Variants in CDH13 observed in about 807,000 individuals in gnomAD.
The protein encoded by CDH13 is cadherin 13, also known as cadherin-13.
Under a neutral mutation model 63.8 loss-of-function variants are expected in CDH13, and 24 were observed. The ratio of observed to expected loss-of-function variants is 0.38; its 90% confidence interval spans 0.27 to 0.53. The LOEUF (loss-of-function observed/expected upper bound fraction) is 0.53. Among genes scored for constraint, CDH13 ranks in the 20% least tolerant of loss-of-function variants. CDH13 has a pLI of 0.85. For synonymous variants in CDH13, 503 were observed against 355.3 expected, an observed-to-expected ratio of 1.42 and a Z score of -4.67; for missense variants, 1,049 against 903.1, an observed-to-expected ratio of 1.16 and a Z score of -2.07.
chr16:82,903,582 T>C (rs2041542371), intron 2 of CDH13, among the ~76,000 whole-genome samples: 1 of 152,242 alleles, frequency 6.6e-6, no homozygotes, highest in African/African-American at 2.4e-5. Flanking sequence ...CTTTTTGTTT[T>C]ATTCTGGTGT....
chr16:83,579,666 T>A (rs1215478099), intron 7 of CDH13, among the ~76,000 whole-genome samples: 1 of 152,108 alleles, frequency 6.6e-6, no homozygotes, highest in Non-Finnish European at 1.5e-5. Context: ...GTATCAATCA[T>A]TTATTTCATT....
rs1598059584 is a variant in CDH13 at position 83,455,341 on chromosome 16, T to A, written c.782-31136T>A. On this transcript the variant is annotated intron_variant, in intron 6 of 13. Transcript: ENST00000567109. ...GGACATTCAACCAATGACAGCTGTT[T>A]CTGAGCATCTAAAATGCAGGGAGCC... 2.0e-5 allele frequency among the ~76,000 whole-genome samples: 3 copies of A among 152,276 alleles called. No individual in the cohort carries two copies. The East Asian group carries it at 5.8e-4, about 29-fold the overall frequency.
intron 2 of CDH13, among the ~76,000 whole-genome samples, chr16:82,891,725 C>G (rs2041087479): frequency 6.6e-6 from 1 of 152,150 alleles, no homozygotes; most frequent in African/African-American, 2.4e-5. Context: ...TGGTTCTCAC[C>G]TAAAGTACAC....
At chr16:83,297,520 C>T (rs1263111994) in intron 5 of CDH13, among the ~76,000 whole-genome samples, 1 of 152,100 alleles carries the variant, frequency 6.6e-6, no homozygotes, top group Non-Finnish European at 1.5e-5. Context: ...ATCTCTCATG[C>T]ACCAGAGCAC....
intron 7 of CDH13, among the ~76,000 whole-genome samples, chr16:83,544,645 T>C (rs757105558): frequency 2.0e-5 from 3 of 152,190 alleles, no homozygotes; most frequent in African/African-American, 4.8e-5. Context: ...AATTCAAAAT[T>C]TGAAATACAG....
chr16:83,763,372 C>A (rs2150989038), intron 11 of CDH13, among the ~76,000 whole-genome samples: 1 of 152,236 alleles, frequency 6.6e-6, no homozygotes, highest in Non-Finnish European at 1.5e-5. Flanking sequence ...CCAGCTGATT[C>A]AAAATTGAAA....
intron 5 of CDH13, among the ~76,000 whole-genome samples, chr16:83,243,022 T>C (rs1904619560): frequency 6.6e-6 from 1 of 152,200 alleles, no homozygotes; most frequent in African/African-American, 2.4e-5. Context: ...TTGAGGAAAC[T>C]GCAGGATTGA....
At chr16:83,481,180 G>T (rs2073751933) in intron 6 of CDH13, among the ~76,000 whole-genome samples, 1 of 152,192 alleles carries the variant, frequency 6.6e-6, no homozygotes, top group African/African-American at 2.4e-5. Context: ...TCCCTGGAAA[G>T]CACACTGTTG....
At chr16:83,695,777 G>A (rs550164614) in intron 10 of CDH13, among the ~76,000 whole-genome samples, 23 of 152,230 alleles carry the variant, frequency 1.5e-4, no homozygotes, top group South Asian at 8.3e-4. Context: ...TTAATACTTC[G>A]GACACAACTG....
chr16:83,051,040 C>A (rs1187432012), intron 3 of CDH13, among the ~76,000 whole-genome samples: 1 of 152,194 alleles, frequency 6.6e-6, no homozygotes, highest in African/African-American at 2.4e-5. Context: ...CAAGACAGGG[C>A]CACTTTCTTT....
At chr16:83,372,810 C>A (rs942359486) in intron 6 of CDH13, among the ~76,000 whole-genome samples, 3 of 150,540 alleles carry the variant, frequency 2.0e-5, no homozygotes, top group African/African-American at 7.3e-5. Flanking sequence ...CTCTGCATCT[C>A]TGCTTTCTGT....
At chr16:83,391,909 C>T (rs2091794571) in intron 6 of CDH13, among the ~76,000 whole-genome samples, 2 of 152,162 alleles carry the variant, frequency 1.3e-5, no homozygotes, top group Non-Finnish European at 2.9e-5. Flanking sequence ...GTTCTAGACT[C>T]AGATAAACAA....
chr16:83,460,879 C>G (rs1658331828), intron 6 of CDH13, among the ~76,000 whole-genome samples: 2 of 151,608 alleles, frequency 1.3e-5, no homozygotes, highest in African/African-American at 4.8e-5. Flanking sequence ...CGGCCCATGC[C>G]TATGGTCCTA....
chr16:82,686,869 A>C (rs1219774612), intron 1 of CDH13, among the ~76,000 whole-genome samples: 1 of 152,188 alleles, frequency 6.6e-6, no homozygotes, highest in East Asian at 1.9e-4. Flanking sequence ...ACGACTTCTT[A>C]CTCAAGCTAC....
At chr16:82,711,799 C>G (rs1047987732) in intron 1 of CDH13, among the ~76,000 whole-genome samples, 1 of 152,198 alleles carries the variant, frequency 6.6e-6, no homozygotes, top group African/African-American at 2.4e-5. Flanking sequence ...CCGGTGATGC[C>G]GATGAGTTCC....
intron 8 of CDH13, among the ~76,000 whole-genome samples, chr16:83,626,450 G>A (rs977577534): frequency 5.9e-5 from 9 of 152,172 alleles, no homozygotes; most frequent in Admixed American, 3.3e-4. Flanking sequence ...AATGAAGCAC[G>A]TGCTATGAGC....
At chr16:83,615,213 G>A (rs1358047276) in intron 8 of CDH13, among the ~76,000 whole-genome samples, 1 of 152,142 alleles carries the variant, frequency 6.6e-6, no homozygotes, top group African/African-American at 2.4e-5. Flanking sequence ...ACTTGGATAA[G>A]CGTTTACTTC....
In CDH13 at chr16:82,849,602, A is replaced by G. The variant is rs565234223; in HGVS notation, c.46-8760A>G. On this transcript the variant is annotated intron_variant, in intron 1 of 13. Coordinates refer to ENST00000567109, the MANE Select transcript of CDH13 (RefSeq NM_001257.5). ...AAGATCTAGCTAAGATCATTGATGA[A>G]GGCGGATACATTAAATAATACATTT... 2.0e-4 allele frequency among the ~76,000 whole-genome samples: 31 copies of G among 152,366 alleles called. No homozygotes were observed. In the South Asian group the frequency reaches 6.2e-3, roughly 31 times the overall value.
chr16:83,662,106 T>A lies in CDH13; in HGVS notation c.1102-8684T>A, dbSNP rs35988357. Among the ~76,000 whole-genome samples the A allele has an allele frequency of 1.9e-3, 295 of 152,312 alleles. 1 individual carries two copies. The highest frequency in any genetic ancestry group is 3.6e-3 in the Non-Finnish European group (243 of 68,024). On this transcript the variant is annotated intron_variant, in intron 8 of 13. Transcript: ENST00000567109. Reference sequence around the variant, plus strand: ...GTCCAGGATCAAGAACCACACTACCTGGGATGCCAATGGGTTTTGGAGAGG... The same window carrying A: ...GTCCAGGATCAAGAACCACACTACCAGGGATGCCAATGGGTTTTGGAGAGG...
Sources: gnomAD v4.1 joint callset for allele counts (sites outside exome capture counted in the v4.1 genomes callset) on GRCh38, gnomAD v4.1.1 for gene constraint, MANE v1.5 for transcripts, NCBI Gene and HGNC (gene_info 2026-07-23, HGNC 2026-07-21) for gene names.